FNBP1: variants seen among roughly 807,000 people sequenced by gnomAD.
FNBP1 encodes the protein formin-binding protein 1.
FNBP1 carries 26 observed loss-of-function variants against 90.6 expected under a neutral mutation model. The observed-to-expected ratio is 0.29, with a 90% CI of 0.21 to 0.40. FNBP1 has a LOEUF of 0.40. Among genes scored for constraint, FNBP1 ranks in the 10% least tolerant of loss-of-function variants. The pLI is 1.00. For missense variants in FNBP1, 635 were observed against 768.0 expected, an observed-to-expected ratio of 0.83 and a Z score of 2.05; for synonymous variants, 260 against 265.2, an observed-to-expected ratio of 0.98 and a Z score of 0.19.
intron 1 of FNBP1, among the ~76,000 whole-genome samples, chr9:130,028,439 A>G (rs1257829947): frequency 1.3e-5 from 2 of 152,224 alleles, no homozygotes; most frequent in African/African-American, 4.8e-5. Flanking sequence ...TCAAAAGCCT[A>G]TTAGAATGAT....
chr9:129,978,970 T>C (rs2050772868), intron 3 of FNBP1, among the ~76,000 whole-genome samples: 1 of 152,224 alleles, frequency 6.6e-6, no homozygotes. Context: ...GATGCCTTAA[T>C]TGCTGACTGA....
chr9:129,935,121 A>ATT (rs11410932), intron 6 of FNBP1, among the ~76,000 whole-genome samples: 16,005 of 126,986 alleles, frequency 0.13, 1,155 homozygotes, highest in South Asian at 0.17. Context: ...TGTTTAGCTC[A>ATT]TTTTTTTTTT....
rs1257968825 is a variant in FNBP1 at position 130,031,287 on chromosome 9, GAA to G, written c.24+11663_24+11664del. Among the ~76,000 whole-genome samples the G allele has an allele frequency of 2.6e-5, 4 of 152,250 alleles. No homozygotes were observed. The highest frequency in any genetic ancestry group is 4.4e-5 in the Non-Finnish European group (3 of 68,050). The stretch of plus-strand genomic sequence containing the variant: ...GCTCCTCTCCATCCTTCTCCACACT[GAA>G]AACTGGCACCATAGGTACCTGCTTT... On this transcript the variant is annotated intron_variant, in intron 1 of 16. Coordinates refer to ENST00000446176, the MANE Select transcript of FNBP1 (RefSeq NM_015033.3). This position sits in a 1 kb window ranked among gnomAD's most constrained non-coding sequence, Gnocchi z 4.2.
intron 11 of FNBP1, chr9:129,914,784 T>TATATATATATAC (rs2039993296): frequency 6.7e-6 from 1 of 148,552 alleles, no homozygotes. Context: ...TATATATATA[T>TATATATATATAC]ATATATATAT....
rs550427768 is a variant in FNBP1 at position 129,966,732 on chromosome 9, A to AAACAACAAC, written c.346-8188_346-8180dup. ...TGGGTGATGGAGCGAGACTCCGTCT[A>AAACAACAAC]AACAACAACAACAACAACAACAACA... is the stretch of plus-strand genomic sequence containing the variant. On this transcript the variant is annotated intron_variant, in intron 4 of 16. Coordinates refer to ENST00000446176, the MANE Select transcript of FNBP1 (RefSeq NM_015033.3). The surrounding 1 kb of genome is among the most constrained non-coding windows in gnomAD (Gnocchi z 4.3). Among the ~76,000 whole-genome samples the AAACAACAAC allele has an allele frequency of 0.063, 9,509 of 151,220 alleles. 382 individuals carry two copies. The highest frequency in any genetic ancestry group is 0.11 in the Admixed American group (1,614 of 15,086).
chr9:130,004,883 T>C (rs1225823578), intron 1 of FNBP1, among the ~76,000 whole-genome samples: 2 of 151,944 alleles, frequency 1.3e-5, no homozygotes, highest in African/African-American at 2.4e-5. Flanking sequence ...CTGGCCAACA[T>C]GGTGAAACCC....
intron 2 of FNBP1, among the ~76,000 whole-genome samples, chr9:129,980,318 C>T (rs142063970): frequency 3.3e-5 from 5 of 150,682 alleles, no homozygotes; most frequent in African/African-American, 9.8e-5. Flanking sequence ...CGAGATCGCA[C>T]CATTGCACTC....
At chr9:129,952,228 G>A (rs188520415) in intron 6 of FNBP1, among the ~76,000 whole-genome samples, 6 of 151,478 alleles carry the variant, frequency 4.0e-5, no homozygotes, top group East Asian at 2.0e-4. Context: ...GGCCAGGTGC[G>A]GTGGCTCATG....
upstream of FNBP1, among the ~76,000 whole-genome samples, chr9:130,043,837 C>G (rs1440532214): frequency 6.6e-6 from 1 of 152,256 alleles, no homozygotes; most frequent in South Asian, 2.1e-4. Context: ...CACGTTACCG[C>G]CTAGTGGGTA....
chr9:129,901,706 G>C (rs568615578), intron 13 of FNBP1, among the ~76,000 whole-genome samples: 1 of 152,176 alleles, frequency 6.6e-6, no homozygotes, highest in African/African-American at 2.4e-5. Flanking sequence ...GAGGTCAGGA[G>C]TTCGAGACCA....
intron 2 of FNBP1, among the ~76,000 whole-genome samples, chr9:129,989,188 C>T (rs1256605596): frequency 5.3e-5 from 8 of 152,182 alleles, no homozygotes; most frequent in East Asian, 1.9e-4. Context: ...CACATCACTG[C>T]GTTTACATAT....
At chr9:129,894,896 A>G (rs575173095) in intron 16 of FNBP1, among the ~76,000 whole-genome samples, 2 of 152,260 alleles carry the variant, frequency 1.3e-5, no homozygotes, top group African/African-American at 4.8e-5. Context: ...CGTCTCTACT[A>G]AAAATACAAA....
Position 129,966,526 on chromosome 9 carries a change from C to T in FNBP1, c.346-7973G>A, listed in dbSNP as rs2048665437. On this transcript the variant is annotated intron_variant, in intron 4 of 16. Coordinates refer to ENST00000446176, the MANE Select transcript of FNBP1 (RefSeq NM_015033.3). The surrounding 1 kb of genome is among the most constrained non-coding windows in gnomAD (Gnocchi z 4.3). The stretch of plus-strand genomic sequence containing the variant: ...GGCGGATCATTTGAGGTCAGGAGTT[C>T]GAGACCAGCCTGGCCAACATGATGA... 1.3e-5 allele frequency among the ~76,000 whole-genome samples: 2 copies of T among 151,886 alleles called. No homozygotes were observed. The highest frequency in any genetic ancestry group is 2.4e-5 in the African/African-American group (1 of 41,328).
chr9:129,939,970 G>A (rs1342350456), intron 6 of FNBP1, among the ~76,000 whole-genome samples: 6 of 152,118 alleles, frequency 3.9e-5, no homozygotes, highest in Non-Finnish European at 7.3e-5. Flanking sequence ...GGAGGCTGAC[G>A]TGGGAGGATC....
At chr9:129,909,371 G>C (rs762711842) in intron 11 of FNBP1, among the ~76,000 whole-genome samples, 1 of 152,138 alleles carries the variant, frequency 6.6e-6, no homozygotes, top group Non-Finnish European at 1.5e-5. Flanking sequence ...CAACACTGAA[G>C]TGTTAATGAA....
intron 4 of FNBP1, among the ~76,000 whole-genome samples, chr9:129,959,768 C>T (rs1023545537): frequency 1.3e-5 from 2 of 151,974 alleles, no homozygotes; most frequent in African/African-American, 4.8e-5. Flanking sequence ...ATCACCACGA[C>T]CAATTTTAGA....
intron 1 of FNBP1, among the ~76,000 whole-genome samples, chr9:130,039,385 C>T (rs2059624947): frequency 6.6e-6 from 1 of 152,102 alleles, no homozygotes; most frequent in Non-Finnish European, 1.5e-5. Context: ...TTCAAAATGG[C>T]CATGTAAGCC....
At chr9:129,944,030 C>T (rs1346493459) in intron 6 of FNBP1, among the ~76,000 whole-genome samples, 1 of 142,638 alleles carries the variant, frequency 7.0e-6, no homozygotes, top group Non-Finnish European at 1.5e-5. Flanking sequence ...TTCTGATGAT[C>T]TTCACACAAG....
chr9:129,934,067 TA>T lies in FNBP1; in HGVS notation c.514-4373del, dbSNP rs531779809. On this transcript the variant is annotated intron_variant, in intron 6 of 16. Coordinates refer to ENST00000446176, the MANE Select transcript of FNBP1 (RefSeq NM_015033.3). ...AAAATATCTTGTATTTTGGAGAACT[TA>T]TTTGGGATAACAGTTAATGGTATTT... 1.4e-4 allele frequency among the ~76,000 whole-genome samples: 22 copies of T among 152,320 alleles called. No individual in the cohort carries two copies. In the South Asian group the frequency reaches 4.6e-3, roughly 32 times the overall value.
Sources: allele counts gnomAD v4.1 joint callset (sites outside exome capture counted in the v4.1 genomes callset), GRCh38; gene constraint gnomAD v4.1.1; non-coding constraint Gnocchi (gnomAD v3.1); transcripts MANE v1.5; gene names NCBI Gene and HGNC (gene_info 2026-07-23, HGNC 2026-07-21).